Variants in FAIM2 observed in about 807,000 individuals in gnomAD.
FAIM2 encodes protein lifeguard 2.
Under a neutral mutation model 47.4 loss-of-function variants are expected in FAIM2, and 27 were observed. That is an observed-to-expected ratio of 0.57 (90% CI 0.42 to 0.78). The LOEUF is 0.78. Among genes scored for constraint, FAIM2 ranks in the 30% least tolerant of loss-of-function variants. The pLI, the probability that FAIM2 is intolerant of heterozygous loss-of-function variation, is 0.00. For synonymous variants in FAIM2, 156 were observed against 159.3 expected (o/e 0.98, Z 0.16); for missense variants, 311 against 389.4 (o/e 0.80, Z 1.69).
chr12:49,881,463 C>T (rs980664204), intron 11 of FAIM2, among the ~76,000 whole-genome samples: 1 of 152,142 alleles, frequency 6.6e-6, no homozygotes, highest in Admixed American at 6.5e-5. Context: ...GAGACCTTAG[C>T]TTCCCCAAGG....
chr12:49,867,546 G>A lies in FAIM2; in HGVS notation c.*2958C>T, dbSNP rs1064722. On this transcript the variant is annotated 3_prime_UTR_variant, in exon 12 of 12. Transcript: ENST00000320634. ...AGTCCCAGACTCGTGTGTGCCTCCC[G>A]GGCCCCCATCTGCAGCTTCCAGAAG... is the stretch of plus-strand genomic sequence containing the variant. 6.6e-6 allele frequency: 1 copy of A among 151,966 alleles called. No individual in the cohort carries two copies. Among genetic ancestry groups the A allele is most frequent in the African/African-American group, 2.4e-5 (1 of 41,348 alleles). The allele number at this position is 151,966 out of a possible 1,614,324, so 9.4% of individuals were successfully genotyped here.
chr12:49,881,874 G>A (rs1229244894), intron 11 of FAIM2, among the ~76,000 whole-genome samples: 4 of 152,208 alleles, frequency 2.6e-5, no homozygotes, highest in Non-Finnish European at 5.9e-5. Context: ...CCAGAGCCCT[G>A]AGACGCCTCG....
chr12:49,897,511 C>T lies in FAIM2; in HGVS notation c.380+8G>A. 6.2e-7 allele frequency: 1 copy of T among 1,613,806 alleles called. No homozygotes were observed. The highest frequency in any genetic ancestry group is 8.5e-7 in the Non-Finnish European group (1 of 1,179,694). On this transcript the variant is annotated splice_region_variant and intron_variant, in intron 4 of 11. Transcript: ENST00000320634. ...CCTGGAAGGTGCTGGTCCATGCTGC[C>T]AACTCACCAGAAAGTAAAGAGAGCC...
rs141773157 is a variant in FAIM2, at chr12:49,870,483, C to T, written c.*21G>A. On this transcript the variant is annotated 3_prime_UTR_variant, in exon 12 of 12. Coordinates refer to ENST00000320634, the MANE Select transcript of FAIM2 (RefSeq NM_012306.4). ...CAGGAGGGGCGCATTCTCTGGAGGACGGTGGGGCAGGGAGGGCTCCTCATT... is the reference window on the plus strand; with the variant it reads ...CAGGAGGGGCGCATTCTCTGGAGGATGGTGGGGCAGGGAGGGCTCCTCATT... 14,386 of 1,608,982 alleles carry T rather than the reference C, an allele frequency of 8.9e-3. 248 individuals are homozygous for T. The highest frequency in any genetic ancestry group is 0.052 in the South Asian group (4,679 of 90,642).
chr12:49,878,600 G>GCA lies in FAIM2; in HGVS notation c.802-7948_802-7947insTG, dbSNP rs1555157974. Among the ~76,000 whole-genome samples, 21 of 124,326 alleles carry GCA rather than the reference G, an allele frequency of 1.7e-4. 3 individuals are homozygous for GCA. The highest frequency in any genetic ancestry group is 3.1e-4 in the Non-Finnish European group (19 of 62,000). The allele number at this position is 124,326 out of a possible 152,430, so 81.6% of individuals were successfully genotyped here. The stretch of plus-strand genomic sequence containing the variant: ...TGTATATGTACATGTGTATGTGTAT[G>GCA]TGTGCATGTGTATGTGTGCATATGT... On this transcript the variant is annotated intron_variant, in intron 11 of 11. Coordinates refer to ENST00000320634, the MANE Select transcript of FAIM2 (RefSeq NM_012306.4).
Position 49,879,158 on chromosome 12 carries a change from GTA to G in FAIM2, c.801+8226_801+8227del, listed in dbSNP as rs1256621213. 5.7e-4 allele frequency among the ~76,000 whole-genome samples: 78 copies of G among 136,138 alleles called. 12 individuals carry two copies. The highest frequency in any genetic ancestry group is 1.9e-3 in the African/African-American group (69 of 35,958). The allele number at this position is 136,138 out of a possible 152,430, so 89.3% of individuals were successfully genotyped here. ...TCTGCATGTTTGTGTATGTGCATGTGTATGTGTGTGTGCATGAGTGCATGTGT... is the reference window on the plus strand; with the variant it reads ...TCTGCATGTTTGTGTATGTGCATGTGTGTGTGTGTGCATGAGTGCATGTGT... On this transcript the variant is annotated intron_variant, in intron 11 of 11. Coordinates refer to ENST00000320634, the MANE Select transcript of FAIM2 (RefSeq NM_012306.4).
At chr12:49,895,033 G>C (rs1426077785) in intron 5 of FAIM2, among the ~76,000 whole-genome samples, 1 of 150,608 alleles carries the variant, frequency 6.6e-6, no homozygotes, top group Non-Finnish European at 1.5e-5. Context: ...TTAGGGGGCA[G>C]GACGGAGAGA....
Position 49,876,050 on chromosome 12 carries a change from A to C in FAIM2, c.802-5397T>G, listed in dbSNP as rs766851736. Among the ~76,000 whole-genome samples, 3 of 152,216 alleles carry C rather than the reference A, an allele frequency of 2.0e-5. No homozygotes were observed. In the East Asian group the frequency reaches 5.8e-4, roughly 29 times the overall value. On this transcript the variant is annotated intron_variant, in intron 11 of 11. Coordinates refer to ENST00000320634, the MANE Select transcript of FAIM2 (RefSeq NM_012306.4). ...AAGTGGAATAAAATATTTTGTATGAAAGAGCCATGTGTGGTCATACGAGAA... is the reference window on the plus strand; with the variant it reads ...AAGTGGAATAAAATATTTTGTATGACAGAGCCATGTGTGGTCATACGAGAA...
rs11169198 is a variant in FAIM2 at position 49,882,634 on chromosome 12, G to A, written c.801+4752C>T. 7.9e-3 allele frequency among the ~76,000 whole-genome samples: 1,197 copies of A among 152,104 alleles called. 12 individuals carry two copies. Among genetic ancestry groups the A allele is most frequent in the Admixed American group, 0.022 (331 of 15,284 alleles). ...TCCTAATGAGATAATTGGCACTGCA[G>A]TTCCCCCTCCCCTGTGACTCACAGA... On this transcript the variant is annotated intron_variant, in intron 11 of 11. Coordinates refer to ENST00000320634, the MANE Select transcript of FAIM2 (RefSeq NM_012306.4).
At position 49,887,390 on chromosome 12, in the gene FAIM2, G is replaced by A. The variant is rs751044469; in HGVS notation, c.797C>T (p.Thr266Ile). ...VYAALGAGVF[T>I]LFLALDTQLL... ...AAGGAGCTAGACCACACTCACCAAT[G>A]TAAATACACCCGCTCCCAGTGCTGC... Residue 266 changes from threonine (T) to isoleucine (I), a missense_variant, in exon 11 of 12, where the codon ACA (threonine) becomes ATA (isoleucine). Transcript: ENST00000320634. 9.9e-6 allele frequency: 16 copies of A among 1,610,588 alleles called. No individual in the cohort carries two copies. Among genetic ancestry groups the A allele is most frequent in the Non-Finnish European group, 1.4e-5 (16 of 1,178,268 alleles).
In FAIM2 at chr12:49,901,358, C is replaced by T. The variant is rs758131955; in HGVS notation, c.16-33G>A. 3 of 1,466,570 alleles carry T rather than the reference C, an allele frequency of 2.0e-6. No homozygotes were observed. In the East Asian group the frequency reaches 7.9e-5, roughly 38 times the overall value. 90.8% of individuals were successfully genotyped at this position (1,466,570 alleles called of 1,614,324 possible). A position where few individuals can be genotyped will look rare whatever the true frequency, so the allele number is the denominator to read the frequency against. ...GTAGAGTCAGAGAGAGAGATAGTCACCAGGGAAAGGGAGCCTTCCAACTCC... is the reference window on the plus strand; with the variant it reads ...GTAGAGTCAGAGAGAGAGATAGTCATCAGGGAAAGGGAGCCTTCCAACTCC... On this transcript the variant is annotated intron_variant, in intron 1 of 11. Transcript: ENST00000320634.
intron 8 of FAIM2, among the ~76,000 whole-genome samples, chr12:49,889,903 G>A (rs1228394080): frequency 6.6e-6 from 1 of 152,036 alleles, no homozygotes; most frequent in Non-Finnish European, 1.5e-5. Context: ...GAGCCACCTT[G>A]CTCCCCACCC....
rs1392881397 is a variant in FAIM2, at chr12:49,874,173, G to C, written c.802-3520C>G. 6.6e-6 allele frequency among the ~76,000 whole-genome samples: 1 copy of C among 152,204 alleles called. No homozygotes were observed. The highest frequency in any genetic ancestry group is 2.4e-5 in the African/African-American group (1 of 41,444). On this transcript the variant is annotated intron_variant, in intron 11 of 11. Transcript: ENST00000320634. The surrounding 1 kb of genome is among the most constrained non-coding windows in gnomAD (Gnocchi z 4.2). ...GGGCAGGTACTTGAGTTAGTGTTCAGCTGAACAGGAGACTCTGCAGGAGGA... is the reference window on the plus strand; with the variant it reads ...GGGCAGGTACTTGAGTTAGTGTTCACCTGAACAGGAGACTCTGCAGGAGGA...
intron 11 of FAIM2, among the ~76,000 whole-genome samples, chr12:49,880,734 GTA>G (rs1491091123): frequency 2.6e-5 from 4 of 151,612 alleles, no homozygotes; most frequent in Admixed American, 1.3e-4. Flanking sequence ...ATGTGTGTGT[GTA>G]TGTGTGCATG....
At chr12:49,880,184 GTGTGTATATGTGCA>G (rs1946801672) in intron 11 of FAIM2, among the ~76,000 whole-genome samples, 1 of 124,948 alleles carries the variant, frequency 8.0e-6, no homozygotes, top group African/African-American at 3.1e-5. Flanking sequence ...GTGTATGCAT[GTGTGTATATGTGCA>G]TGTGTGTGTG....
chr12:49,886,014 T>C (rs1946858523), intron 11 of FAIM2, among the ~76,000 whole-genome samples: 1 of 152,102 alleles, frequency 6.6e-6, no homozygotes, highest in African/African-American at 2.4e-5. Context: ...TTCCCCCATT[T>C]CAGCCCCCTC....
At position 49,874,835 on chromosome 12, in the gene FAIM2, C is replaced by A. The variant is rs1393054863; in HGVS notation, c.802-4182G>T. On this transcript the variant is annotated intron_variant, in intron 11 of 11. Transcript: ENST00000320634. The surrounding 1 kb of genome is among the most constrained non-coding windows in gnomAD (Gnocchi z 4.2). The stretch of plus-strand genomic sequence containing the variant: ...TTCTAACAGTGAGATGCTGAAACAA[C>A]CCAAACTCTACCAACACGGGGGTGG... Among the ~76,000 whole-genome samples, 2 of 152,166 alleles carry A rather than the reference C, an allele frequency of 1.3e-5. No individual in the cohort carries two copies. Among genetic ancestry groups the A allele is most frequent in the African/African-American group, 2.4e-5 (1 of 41,428 alleles).
chr12:49,900,298 C>A, intron 2 of FAIM2: 2 of 1,059,892 alleles, frequency 1.9e-6, no homozygotes, highest in South Asian at 1.5e-5. Context: ...GAGATCTCTT[C>A]TAGAATCCTG....
chr12:49,890,284 A>C (rs772508498), intron 7 of FAIM2, 130 bp from the exon 8 acceptor site: 1 of 796,780 alleles, frequency 1.3e-6, no homozygotes, highest in Non-Finnish European at 2.1e-6. Flanking sequence ...ACCCCCACAC[A>C]CACTGACTTT....
Sources: gnomAD v4.1 joint callset for allele counts (sites outside exome capture counted in the v4.1 genomes callset) on GRCh38, gnomAD v4.1.1 for gene constraint, Gnocchi (gnomAD v3.1) non-coding constraint, MANE v1.5 for transcripts, NCBI Gene and HGNC (gene_info 2026-07-23, HGNC 2026-07-21) for gene names.